The following TBXAS1 variants were observed in gnomAD, a reference collection of about 807,000 sequenced individuals.
TBXAS1 encodes thromboxane A synthase 1, also known as thromboxane-A synthase.
A neutral mutation model predicts 60.7 loss-of-function variants in TBXAS1; 48 were observed. The ratio of observed to expected loss-of-function variants is 0.79; its 90% CI spans 0.63 to 1.01. The LOEUF is 1.01. Among genes scored for constraint, TBXAS1 ranks in the 50% least tolerant of loss-of-function variants. The probability of loss-of-function intolerance (pLI) is 0.00; values close to 1 mark genes in which losing one functional copy is unlikely to be tolerated. For missense variants in TBXAS1, 685 were observed against 686.3 expected (o/e 1.00, Z 0.02); for synonymous variants, 287 against 269.7 (o/e 1.06, Z -0.63).
At chr7:140,006,302 G>A (rs189770767) in intron 9 of TBXAS1, among the ~76,000 whole-genome samples, 86 of 152,276 alleles carry the variant, frequency 5.6e-4, no homozygotes, top group Non-Finnish European at 1.0e-3. Context: ...AAGAGCTCAT[G>A]GGCACGTGTT....
intron 9 of TBXAS1, among the ~76,000 whole-genome samples, chr7:140,003,330 G>A (rs1014406898): frequency 6.6e-6 from 1 of 151,712 alleles, no homozygotes; most frequent in Non-Finnish European, 1.5e-5. Context: ...CAGCCTCCAG[G>A]GTGGCTGGGG....
chr7:139,985,671 C>G (rs1812399900), intron 9 of TBXAS1, among the ~76,000 whole-genome samples: 1 of 152,214 alleles, frequency 6.6e-6, no homozygotes, highest in South Asian at 2.1e-4. Context: ...ATCTTCAAAA[C>G]TCAGCACTGG....
At chr7:139,813,110 A>G (rs1798060964) in intron 4 of TBXAS1, among the ~76,000 whole-genome samples, 1 of 144,402 alleles carries the variant, frequency 6.9e-6, no homozygotes, top group Non-Finnish European at 1.6e-5. Flanking sequence ...AAATAAAATA[A>G]AATAAAATAA....
chr7:139,890,099 A>T (rs1384738664), intron 3 of TBXAS1, among the ~76,000 whole-genome samples: 1 of 151,898 alleles, frequency 6.6e-6, no homozygotes, highest in East Asian at 1.9e-4. Flanking sequence ...TAATTGTTAC[A>T]TGGGGAATAG....
intron 9 of TBXAS1, among the ~76,000 whole-genome samples, chr7:139,978,196 A>T (rs577148094): frequency 6.6e-6 from 1 of 152,214 alleles, no homozygotes; most frequent in Admixed American, 6.5e-5. Flanking sequence ...ATCAAATAAT[A>T]TTGATAATAA....
At chr7:139,977,598 C>CT (rs1168563906) in intron 9 of TBXAS1, among the ~76,000 whole-genome samples, 1 of 152,154 alleles carries the variant, frequency 6.6e-6, no homozygotes, top group Non-Finnish European at 1.5e-5. Flanking sequence ...CACAGGCCCA[C>CT]ACCTTGTCTC....
intron 1 of TBXAS1, among the ~76,000 whole-genome samples, chr7:139,867,658 T>TA (rs375296830): frequency 0.039 from 5,909 of 151,856 alleles, 371 homozygotes; most frequent in African/African-American, 0.14. Flanking sequence ...CCGTCTCTAC[T>TA]AAAATACAAA....
At chr7:139,781,137 T>C (rs955131097) in intron 2 of TBXAS1, among the ~76,000 whole-genome samples, 6 of 152,314 alleles carry the variant, frequency 3.9e-5, no homozygotes, top group East Asian at 1.9e-4. Flanking sequence ...CCACCATGAC[T>C]GAAGCTGTAT....
chr7:139,888,507 T>G (rs919319943), intron 3 of TBXAS1, among the ~76,000 whole-genome samples: 4 of 152,198 alleles, frequency 2.6e-5, no homozygotes, highest in Non-Finnish European at 5.9e-5. Flanking sequence ...CTCTGGGTTT[T>G]TTTCCCACAG....
intron 4 of TBXAS1, among the ~76,000 whole-genome samples, chr7:139,809,729 CGA>C (rs1386657359): frequency 6.6e-6 from 1 of 152,132 alleles, no homozygotes; most frequent in Non-Finnish European, 1.5e-5. Context: ...GTCCCAGCTC[CGA>C]GAGTGAGTGT....
At chr7:139,791,430 G>C (rs950009455) in intron 4 of TBXAS1, among the ~76,000 whole-genome samples, 1 of 152,172 alleles carries the variant, frequency 6.6e-6, no homozygotes, top group Non-Finnish European at 1.5e-5. Context: ...CCTAGGTGTG[G>C]AGTGCTGGTT....
intron 1 of TBXAS1, among the ~76,000 whole-genome samples, chr7:139,857,219 A>C (rs940181387): frequency 6.6e-6 from 1 of 152,222 alleles, no homozygotes; most frequent in Non-Finnish European, 1.5e-5. Flanking sequence ...ATCTGGGCTT[A>C]CTGTCCCCTG....
intron 9 of TBXAS1, 140 bp downstream of exon 9, chr7:139,962,373 C>A: frequency 2.9e-6 from 3 of 1,039,512 alleles, no homozygotes; most frequent in South Asian, 1.4e-5. Flanking sequence ...CATTGCTTGG[C>A]TTCTCCTGCT....
chr7:139,932,240 A>G (rs1807394997), intron 4 of TBXAS1, among the ~76,000 whole-genome samples: 1 of 152,008 alleles, frequency 6.6e-6, no homozygotes, highest in Admixed American at 6.5e-5. Flanking sequence ...TTTTTAAATC[A>G]ATGTGTAGGC....
At chr7:139,945,588 T>C (rs758448938) in intron 5 of TBXAS1, among the ~76,000 whole-genome samples, 2 of 152,248 alleles carry the variant, frequency 1.3e-5, no homozygotes, top group African/African-American at 2.4e-5. Flanking sequence ...TCATTCTTGA[T>C]ATAACAAATA....
chr7:139,857,953 C>T (rs568751709), intron 1 of TBXAS1, among the ~76,000 whole-genome samples: 6 of 152,010 alleles, frequency 3.9e-5, no homozygotes, highest in Admixed American at 2.6e-4. Flanking sequence ...AGGCTGGTCT[C>T]GAACTCTTGG....
intron 8 of TBXAS1, among the ~76,000 whole-genome samples, chr7:139,960,244 G>A (rs367979967): frequency 1.5e-4 from 23 of 152,318 alleles, no homozygotes; most frequent in African/African-American, 5.5e-4. Context: ...GAGCTGCAAA[G>A]GTGTCAGCAG....
intron 4 of TBXAS1, among the ~76,000 whole-genome samples, chr7:139,815,760 C>A (rs1179886978): frequency 1.3e-5 from 2 of 152,106 alleles, no homozygotes; most frequent in African/African-American, 2.4e-5. Flanking sequence ...GAGGAGGTCA[C>A]TTCAGAGGAG....
intron 4 of TBXAS1, among the ~76,000 whole-genome samples, chr7:139,932,030 A>G (rs1807367173): frequency 6.6e-6 from 1 of 151,722 alleles, no homozygotes; most frequent in Admixed American, 6.6e-5. Context: ...AAAAATTATT[A>G]AGATGGGGCA....
Sources: gnomAD v4.1 joint callset for allele counts (sites outside exome capture counted in the v4.1 genomes callset) on GRCh38, gnomAD v4.1.1 for gene constraint, MANE v1.5 for transcripts, NCBI Gene and HGNC (gene_info 2026-07-23, HGNC 2026-07-21) for gene names.